Variants in SGMS1 observed in about 807,000 individuals in gnomAD.
SGMS1 encodes phosphatidylcholine:ceramide cholinephosphotransferase 1.
Under a neutral mutation model 46.2 loss-of-function variants are expected in SGMS1, and 13 were observed. The ratio of observed to expected loss-of-function variants is 0.28; its 90% confidence interval spans 0.18 to 0.45. The LOEUF (loss-of-function observed/expected upper bound fraction) is 0.45. SGMS1 is among the 20% of genes least tolerant of loss of function. The probability of loss-of-function intolerance (pLI) is 1.00; values close to 1 mark genes in which losing one functional copy is unlikely to be tolerated. For missense variants in SGMS1, 324 were observed against 519.9 expected (o/e 0.62, Z 3.66); for synonymous variants, 203 against 187.8 (o/e 1.08, Z -0.66).
At chr10:50,473,182 T>A (rs1290315535) in intron 3 of SGMS1, among the ~76,000 whole-genome samples, 1 of 152,170 alleles carries the variant, frequency 6.6e-6, no homozygotes, top group East Asian at 1.9e-4. Context: ...CTGTGTTTAA[T>A]CTACTGTAGT....
chr10:50,539,160 G>A (rs1001620594), intron 2 of SGMS1, among the ~76,000 whole-genome samples: 1 of 152,202 alleles, frequency 6.6e-6, no homozygotes, highest in Non-Finnish European at 1.5e-5. Flanking sequence ...CTTCTCCAGA[G>A]GACTCAACCA....
At chr10:50,509,031 C>A (rs1038756319) in intron 3 of SGMS1, among the ~76,000 whole-genome samples, 7 of 152,174 alleles carry the variant, frequency 4.6e-5, no homozygotes, top group Admixed American at 1.3e-4. Context: ...AGTGCTTGCT[C>A]AACTGAGTTG....
intron 3 of SGMS1, among the ~76,000 whole-genome samples, chr10:50,484,644 C>T (rs1837504532): frequency 6.6e-6 from 1 of 152,134 alleles, no homozygotes; most frequent in Non-Finnish European, 1.5e-5. Flanking sequence ...GCAAAAGTCC[C>T]CAACAAAATA....
intron 1 of SGMS1, among the ~76,000 whole-genome samples, chr10:50,619,544 G>T (rs996970406): frequency 6.6e-6 from 1 of 152,216 alleles, no homozygotes; most frequent in East Asian, 1.9e-4. Flanking sequence ...GGCCTGGGGG[G>T]TGCTGGGAGG....
At chr10:50,349,251 A>G (rs1847965560) in intron 6 of SGMS1, among the ~76,000 whole-genome samples, 1 of 152,206 alleles carries the variant, frequency 6.6e-6, no homozygotes, top group Non-Finnish European at 1.5e-5. Context: ...AGAAGTTTAG[A>G]TTCTTCCTTT....
At position 50,311,400 on chromosome 10, in the gene SGMS1, C is replaced by T. The variant is rs1240404380; in HGVS notation, c.757G>A (p.Glu253Lys). The change falls in exon 9 of 11, where the codon GAA (glutamate) becomes AAA (lysine). Residue 253 changes from glutamate (E) to lysine (K), a missense_variant. Transcript: ENST00000361781. ...TTCATTATTCTTCGCAGTTGGGCTT[C>T]CCAGTCTCCGAAAAGCTGGCAGAAA... ...NCSPKLFGDWEAQLRRIMKLI... is the reference protein window; with the variant it reads ...NCSPKLFGDWKAQLRRIMKLI... The T allele has an allele frequency of 1.9e-6, 3 of 1,613,340 alleles. No homozygotes were observed. Among genetic ancestry groups the T allele is most frequent in the Admixed American group, 3.3e-5 (2 of 59,728 alleles).
intron 5 of SGMS1, among the ~76,000 whole-genome samples, chr10:50,445,975 G>A (rs1205725048): frequency 6.6e-6 from 1 of 152,128 alleles, no homozygotes; most frequent in Non-Finnish European, 1.5e-5. Flanking sequence ...TTTTACGATT[G>A]TAGATAAGGG....
intron 4 of SGMS1, among the ~76,000 whole-genome samples, chr10:50,462,678 A>T (rs967941856): frequency 2.6e-5 from 4 of 152,212 alleles, no homozygotes; most frequent in Non-Finnish European, 4.4e-5. Flanking sequence ...GGCCAATGGA[A>T]TAGGCCTATT....
intron 8 of SGMS1, among the ~76,000 whole-genome samples, 194 bp from the exon 9 acceptor site, chr10:50,311,609 T>C (rs1487907069): frequency 6.6e-6 from 1 of 152,136 alleles, no homozygotes; most frequent in Middle Eastern, 3.2e-3. Context: ...GTCCTACAAA[T>C]GAATCACGTG....
At position 50,385,677 on chromosome 10, in the gene SGMS1, G is replaced by A. The variant is rs117203874; in HGVS notation, c.-231-41332C>T. Among the ~76,000 whole-genome samples, 54 of 152,244 alleles carry A rather than the reference G, an allele frequency of 3.5e-4. 1 individual carries two copies. The East Asian group carries it at 6.0e-3, about 17-fold the overall frequency. ...GATTACAAAAAAAAAGGTGACTTAG[G>A]GGCATGCTGGGAGTAGGAGAGGAAG... On this transcript the variant is annotated intron_variant, in intron 6 of 10. Coordinates refer to ENST00000361781, the MANE Select transcript of SGMS1 (RefSeq NM_147156.4).
intron 3 of SGMS1, among the ~76,000 whole-genome samples, chr10:50,505,843 G>T (rs1215083880): frequency 6.6e-6 from 1 of 152,130 alleles, no homozygotes; most frequent in Non-Finnish European, 1.5e-5. Flanking sequence ...GGGGAGCAAA[G>T]CACACCATAT....
intron 2 of SGMS1, among the ~76,000 whole-genome samples, chr10:50,570,722 C>T (rs994860784): frequency 1.3e-5 from 2 of 152,150 alleles, no homozygotes; most frequent in African/African-American, 4.8e-5. Context: ...ATTGCTTAAG[C>T]CCAGGACTTT....
chr10:50,496,233 T>C (rs1837614106), intron 3 of SGMS1, among the ~76,000 whole-genome samples: 2 of 152,230 alleles, frequency 1.3e-5, no homozygotes. Context: ...TATAAATAAT[T>C]CTTTAATGGC....
chr10:50,344,279 G>A lies in SGMS1; in HGVS notation c.-165C>T, dbSNP rs1847877019. On this transcript the variant is annotated 5_prime_UTR_variant, in exon 7 of 11. Coordinates refer to ENST00000361781, the MANE Select transcript of SGMS1 (RefSeq NM_147156.4). ...TCAGGGCAGTTTTTAAACACCTCAT[G>A]TAGCTGTCCAGGGTTCCTGAGCGCC... 1.3e-6 allele frequency: 1 copy of A among 787,846 alleles called. No individual in the cohort carries two copies. The highest frequency in any genetic ancestry group is 1.9e-6 in the Non-Finnish European group (1 of 516,778). 48.8% of individuals were successfully genotyped at this position (787,846 alleles called of 1,614,324 possible).
At chr10:50,454,820 G>A (rs952298200) in intron 5 of SGMS1, among the ~76,000 whole-genome samples, 1 of 152,122 alleles carries the variant, frequency 6.6e-6, no homozygotes, top group Non-Finnish European at 1.5e-5. Context: ...TTTAATGAGA[G>A]CTGGTGAATA....
intron 6 of SGMS1, among the ~76,000 whole-genome samples, chr10:50,356,937 G>A (rs1589404155): frequency 6.6e-6 from 1 of 152,112 alleles, no homozygotes; most frequent in Admixed American, 6.5e-5. Flanking sequence ...GGAGTGGGGA[G>A]GGATAGCATT....
chr10:50,347,625 T>C (rs1333101917), intron 6 of SGMS1, among the ~76,000 whole-genome samples: 2 of 152,164 alleles, frequency 1.3e-5, no homozygotes, highest in East Asian at 1.9e-4. Context: ...GAAATGGGTA[T>C]GAGAACTCTA....
upstream of SGMS1, chr10:50,624,535 G>C (rs967351835): frequency 2.1e-6 from 2 of 953,504 alleles, no homozygotes; most frequent in South Asian, 4.8e-5. Context: ...CGCGACGGAG[G>C]CGCAAGAGCT....
At chr10:50,495,014 C>T (rs1166920027) in intron 3 of SGMS1, among the ~76,000 whole-genome samples, 2 of 138,756 alleles carry the variant, frequency 1.4e-5, no homozygotes, top group Admixed American at 7.9e-5. Flanking sequence ...CCAGCCTGGG[C>T]GACAGAGCGA....
Sources: allele counts gnomAD v4.1 joint callset (sites outside exome capture counted in the v4.1 genomes callset), GRCh38; gene constraint gnomAD v4.1.1; transcripts MANE v1.5; gene names NCBI Gene and HGNC (gene_info 2026-07-23, HGNC 2026-07-21).